The following INPP4B variants were observed in gnomAD, a reference collection of about 807,000 sequenced individuals.
INPP4B encodes the protein inositol polyphosphate 4-phosphatase type II.
Under a neutral mutation model 122.5 loss-of-function variants are expected in INPP4B, and 55 were observed. The ratio of observed to expected loss-of-function variants is 0.45; its 90% CI spans 0.36 to 0.56. The LOEUF (loss-of-function observed/expected upper bound fraction) is 0.56. Ranked by LOEUF, INPP4B falls within the 20% of genes least tolerant of loss-of-function variation. The probability of loss-of-function intolerance (pLI) is 0.00; values close to 1 mark genes in which losing one functional copy is unlikely to be tolerated. For missense variants in INPP4B, 1,000 were observed against 1,097.7 expected, an observed-to-expected ratio of 0.91 and a Z score of 1.26; for synonymous variants, 403 against 388.7, an observed-to-expected ratio of 1.04 and a Z score of -0.43.
chr4:142,174,255 C>A (rs1308727490), intron 15 of INPP4B, among the ~76,000 whole-genome samples: 2 of 152,102 alleles, frequency 1.3e-5, no homozygotes, highest in African/African-American at 4.8e-5. Context: ...CTTTGGGCAG[C>A]CTTCTTCCTC....
At chr4:142,566,009 A>G (rs546803339) in intron 2 of INPP4B, 4 of 151,566 alleles carry the variant, frequency 2.6e-5, no homozygotes, top group Non-Finnish European at 5.9e-5. Flanking sequence ...TCAGTTTGGC[A>G]TTCATTCAGT....
chr4:142,615,941 C>T (rs1743596680), intron 2 of INPP4B, among the ~76,000 whole-genome samples: 1 of 151,944 alleles, frequency 6.6e-6, no homozygotes, highest in Non-Finnish European at 1.5e-5. Context: ...TCATAATGTG[C>T]CTAAACACAG....
chr4:142,661,997 G>T (rs1257566718), intron 2 of INPP4B, among the ~76,000 whole-genome samples: 2 of 152,214 alleles, frequency 1.3e-5, no homozygotes, highest in Non-Finnish European at 2.9e-5. Context: ...ACGTTGGGAG[G>T]CCAAGGCAGG....
At chr4:142,805,487 A>G (rs185033667) in intron 1 of INPP4B, among the ~76,000 whole-genome samples, 16 of 152,334 alleles carry the variant, frequency 1.1e-4, no homozygotes, top group African/African-American at 1.9e-4. Flanking sequence ...TATAAATTAC[A>G]GTTGGCCCTT....
chr4:142,329,665 G>C (rs1773742554), intron 7 of INPP4B, among the ~76,000 whole-genome samples: 1 of 152,028 alleles, frequency 6.6e-6, no homozygotes, highest in Non-Finnish European at 1.5e-5. Context: ...GTTTTTAGAG[G>C]AATAATTACT....
chr4:142,797,692 A>T (rs1433282530), intron 1 of INPP4B, among the ~76,000 whole-genome samples: 4 of 152,028 alleles, frequency 2.6e-5, no homozygotes, highest in Non-Finnish European at 4.4e-5. Context: ...ACAAAAAAAA[A>T]TGGCAATCAT....
chr4:142,049,119 A>G (rs1712000320), intron 25 of INPP4B, among the ~76,000 whole-genome samples: 1 of 152,018 alleles, frequency 6.6e-6, no homozygotes, highest in South Asian at 2.1e-4. Flanking sequence ...ACATTATAGC[A>G]CACGTTACCA....
intron 1 of INPP4B, among the ~76,000 whole-genome samples, chr4:142,845,836 C>T (rs774703265): frequency 6.6e-6 from 1 of 152,040 alleles, no homozygotes; most frequent in Non-Finnish European, 1.5e-5. Context: ...CGCAGGTGGG[C>T]GCAGCCTTGG....
At chr4:142,456,683 A>G (rs1439168231) in intron 3 of INPP4B, among the ~76,000 whole-genome samples, 3 of 152,122 alleles carry the variant, frequency 2.0e-5, no homozygotes, top group African/African-American at 4.8e-5. Context: ...CATTGATGAA[A>G]GAAATAAAAT....
chr4:142,355,784 T>G (rs1783391733), intron 7 of INPP4B, among the ~76,000 whole-genome samples: 1 of 151,978 alleles, frequency 6.6e-6, no homozygotes, highest in Admixed American at 6.6e-5. Flanking sequence ...GTGAAGCAAT[T>G]CAGCTTATCA....
intron 9 of INPP4B, among the ~76,000 whole-genome samples, chr4:142,304,794 G>T (rs1274960765): frequency 6.6e-6 from 1 of 152,064 alleles, no homozygotes; most frequent in African/African-American, 2.4e-5. Context: ...TATATGATTA[G>T]AAAACTATTG....
intron 25 of INPP4B, among the ~76,000 whole-genome samples, chr4:142,051,467 T>C (rs1304571221): frequency 1.3e-5 from 2 of 152,026 alleles, no homozygotes; most frequent in Non-Finnish European, 2.9e-5. Flanking sequence ...TGCTATTTCT[T>C]GGACTTGGGT....
At chr4:142,307,351 A>G (rs2636639) in intron 8 of INPP4B, among the ~76,000 whole-genome samples, 68,587 of 151,918 alleles carry the variant, frequency 0.45, 17,744 homozygotes, top group East Asian at 0.75. Context: ...ATTGACACTT[A>G]TGACCACCTG....
chr4:142,634,040 G>A (rs141327159), intron 2 of INPP4B, among the ~76,000 whole-genome samples: 1 of 151,008 alleles, frequency 6.6e-6, no homozygotes, highest in African/African-American at 2.4e-5. Flanking sequence ...AAAAAGGAGG[G>A]AGGTGGGGGG....
intron 5 of INPP4B, among the ~76,000 whole-genome samples, chr4:142,418,452 T>G (rs1806205390): frequency 6.6e-6 from 1 of 152,018 alleles, no homozygotes; most frequent in Admixed American, 6.6e-5. Context: ...GAAAATAAAT[T>G]CCCCATTTTA....
chr4:142,030,307 TAAATG>T (rs1389061011), intron 25 of INPP4B: 3 of 1,533,396 alleles, frequency 2.0e-6, no homozygotes, highest in South Asian at 2.4e-5. Flanking sequence ...TGTCTGCTGT[TAAATG>T]AGGGGAAGTT....
At chr4:142,526,879 T>A (rs1826990011) in intron 2 of INPP4B, among the ~76,000 whole-genome samples, 2 of 152,070 alleles carry the variant, frequency 1.3e-5, no homozygotes, top group African/African-American at 2.4e-5. Context: ...GTAACGTGTT[T>A]AACGATATAG....
intron 14 of INPP4B, among the ~76,000 whole-genome samples, chr4:142,200,869 T>C (rs769255902): frequency 6.6e-6 from 1 of 152,010 alleles, no homozygotes; most frequent in Non-Finnish European, 1.5e-5. Context: ...TTATCTAAAT[T>C]CTAGAAAGGC....
chr4:142,083,403 T>G (rs549567013), intron 24 of INPP4B, among the ~76,000 whole-genome samples: 17 of 152,324 alleles, frequency 1.1e-4, no homozygotes, highest in African/African-American at 4.1e-4. Flanking sequence ...CATTGCCTTA[T>G]GAGTAATAGG....
Sources: gnomAD v4.1 joint callset for allele counts (sites outside exome capture counted in the v4.1 genomes callset) on GRCh38, gnomAD v4.1.1 for gene constraint, MANE v1.5 for transcripts, NCBI Gene and HGNC (gene_info 2026-07-23, HGNC 2026-07-21) for gene names.